The following SPINK6 variants were observed in gnomAD, a reference collection of about 807,000 sequenced individuals.
SPINK6 encodes serine protease inhibitor Kazal-type 6.
SPINK6 carries 13 observed loss-of-function variants against 11.7 expected under a neutral mutation model. The ratio of observed to expected loss-of-function variants is 1.11; its 90% confidence interval spans 0.72 to 1.76. SPINK6 has a LOEUF of 1.76. Among genes scored for constraint, SPINK6 ranks in the 40% most tolerant of loss-of-function variants. The pLI is 0.00. For missense variants in SPINK6, 98 were observed against 93.7 expected, an observed-to-expected ratio of 1.05 and a Z score of -0.19; for synonymous variants, 21 against 31.9, an observed-to-expected ratio of 0.66 and a Z score of 1.15.
At chr5:148,209,997 C>CACGTCCGTAT (rs1561732192) in intron 2 of SPINK6, among the ~76,000 whole-genome samples, 1 of 145,892 alleles carries the variant, frequency 6.9e-6, no homozygotes. Context: ...TACATATACA[C>CACGTCCGTAT]GTATGTATAC....
chr5:148,207,332 T>C (rs1195819888), intron 2 of SPINK6, among the ~76,000 whole-genome samples: 2 of 152,172 alleles, frequency 1.3e-5, no homozygotes, highest in Non-Finnish European at 2.9e-5. Flanking sequence ...TTCCCTTCTT[T>C]GAACGTTGAT....
At chr5:148,204,118 G>C (rs1755468325) in intron 1 of SPINK6, among the ~76,000 whole-genome samples, 1 of 142,260 alleles carries the variant, frequency 7.0e-6, no homozygotes, top group East Asian at 2.2e-4. Flanking sequence ...TACTATGCAA[G>C]ATTTTAAATG....
Position 148,213,987 on chromosome 5 carries a change from G to C in SPINK6, c.159G>C (p.Gln53His). ...ACCCACACTGTGGCTCTGATGGCCA[G>C]ACATATGGCAATAAATGTGCCTTCT... ...ESNPHCGSDG[Q>H]TYGNKCAFCK... Residue 53 changes from glutamine to histidine, a missense_variant, in exon 3 of 4, where the codon CAG becomes CAC. Transcript: ENST00000325630. 1 of 1,613,540 alleles carries C rather than the reference G, an allele frequency of 6.2e-7. No homozygotes were observed. Among genetic ancestry groups the C allele is most frequent in the Non-Finnish European group, 8.5e-7 (1 of 1,179,482 alleles).
chr5:148,204,576 A>G (rs2113305354), intron 1 of SPINK6, among the ~76,000 whole-genome samples: 1 of 151,292 alleles, frequency 6.6e-6, no homozygotes, highest in East Asian at 1.9e-4. Context: ...TTCATTTTAT[A>G]GCTTTGTGAA....
chr5:148,210,701 G>C (rs1240592943), intron 2 of SPINK6, among the ~76,000 whole-genome samples: 1 of 152,024 alleles, frequency 6.6e-6, no homozygotes, highest in East Asian at 1.9e-4. Context: ...CAGACGACCA[G>C]AGAACCAACA....
chr5:148,213,826 A>G, intron 2 of SPINK6, 84 bp from the exon 3 acceptor site: 1 of 702,290 alleles, frequency 1.4e-6, no homozygotes, highest in Non-Finnish European at 2.6e-6. Context: ...TATGGTTTTT[A>G]AAGTTTGCTG....
At chr5:148,209,467 TATG>T (rs1561731880) in intron 2 of SPINK6, among the ~76,000 whole-genome samples, 1 of 152,196 alleles carries the variant, frequency 6.6e-6, no homozygotes, top group Non-Finnish European at 1.5e-5. Flanking sequence ...AAGCAAATAA[TATG>T]ATAAGTATAT....
At chr5:148,210,204 GTATTTCTGCATGCA>G (rs1408778669) in intron 2 of SPINK6, among the ~76,000 whole-genome samples, 9 of 143,068 alleles carry the variant, frequency 6.3e-5, no homozygotes, top group African/African-American at 1.5e-4. Flanking sequence ...GCATGCATAT[GTATTTCTGCATGCA>G]TATGTATTTC....
chr5:148,205,876 AAG>A (rs1755490885), intron 1 of SPINK6, among the ~76,000 whole-genome samples, 158 bp from the exon 2 acceptor site: 1 of 151,340 alleles, frequency 6.6e-6, no homozygotes. Flanking sequence ...TAAAAAAAAA[AAG>A]AAGAAGAAGA....
intron 1 of SPINK6, among the ~76,000 whole-genome samples, chr5:148,205,712 G>C (rs184467844): frequency 6.6e-6 from 1 of 152,198 alleles, no homozygotes; most frequent in Admixed American, 6.5e-5. Flanking sequence ...CGATGATAAG[G>C]TCATTTTCGT....
intron 2 of SPINK6, among the ~76,000 whole-genome samples, chr5:148,213,400 C>A (rs1174260812): frequency 1.5e-5 from 2 of 135,616 alleles, no homozygotes; most frequent in African/African-American, 5.0e-5. Context: ...GGCATTTCAT[C>A]GTGTTAGCCA....
chr5:148,214,153 G>C (rs1040962922), intron 3 of SPINK6, 128 bp downstream of exon 3: 7 of 503,676 alleles, frequency 1.4e-5, no homozygotes, highest in African/African-American at 1.4e-4. Context: ...ACAAGCTTCA[G>C]GCAATTTGAT....
chr5:148,206,173 C>T (rs1006820554), intron 2 of SPINK6, 115 bp downstream of exon 2: 48 of 994,072 alleles, frequency 4.8e-5, no homozygotes, highest in Admixed American at 2.6e-4. Context: ...GCAGGCAAAC[C>T]TTATGCAGAC....
intron 2 of SPINK6, among the ~76,000 whole-genome samples, chr5:148,207,724 G>A (rs910399244): frequency 2.6e-5 from 4 of 152,128 alleles, no homozygotes; most frequent in Non-Finnish European, 5.9e-5. Context: ...AGCTACTTGG[G>A]AGGCTGAGGC....
At position 148,203,159 on chromosome 5, in the gene SPINK6, GT is replaced by G. The variant is rs755705939; in HGVS notation, c.58+11del. The G allele has an allele frequency of 3.9e-5, 62 of 1,606,854 alleles. No homozygotes were observed. The highest frequency in any genetic ancestry group is 5.1e-5 in the Non-Finnish European group (60 of 1,177,340). On this transcript the variant is annotated splice_donor_region_variant and intron_variant, in intron 1 of 3. Transcript: ENST00000325630. ...CTCTTTTCTGCTTTTTAACAGGTAA[GT>G]TTTTTCTTAAAATTAAGATCCCATA...
rs1755550635 is a variant in SPINK6, at chr5:148,209,969, T to TACAC, written c.81+3913_81+3914insACAC. The stretch of plus-strand genomic sequence containing the variant: ...GGTTTCATATATATGTATACATACA[T>TACAC]ACGTACGTATGTATGTATACATATA... On this transcript the variant is annotated intron_variant, in intron 2 of 3. Transcript: ENST00000325630. 9.5e-5 allele frequency among the ~76,000 whole-genome samples: 12 copies of TACAC among 126,686 alleles called. 3 individuals carry two copies. Among genetic ancestry groups the TACAC allele is most frequent in the Admixed American group, 1.6e-4 (2 of 12,806 alleles). The allele number at this position is 126,686 out of a possible 152,430, so 83.1% of individuals were successfully genotyped here. A position where few individuals can be genotyped will look rare whatever the true frequency, so the allele number is the denominator to read the frequency against.
At position 148,213,905 on chromosome 5, in the gene SPINK6, G is replaced by C; in HGVS notation, c.82-5G>C. 1 of 1,473,948 alleles carries C rather than the reference G, an allele frequency of 6.8e-7. No individual in the cohort carries two copies. The highest frequency in any genetic ancestry group is 9.5e-7 in the Non-Finnish European group (1 of 1,050,510). The allele number at this position is 1,473,948 out of a possible 1,614,324, so 91.3% of individuals were successfully genotyped here. ...ATGTCAATGTCACTCTGCTTACTTT[G>C]GTAGGTTGACTGTGGTGAGTTCCAG... On this transcript the variant is annotated splice_region_variant and splice_polypyrimidine_tract_variant and intron_variant, in intron 2 of 3. Coordinates refer to ENST00000325630, the MANE Select transcript of SPINK6 (RefSeq NM_205841.4).
chr5:148,214,773 C>A (rs1755659914), intron 3 of SPINK6, 132 bp from the exon 4 acceptor site: 1 of 704,530 alleles, frequency 1.4e-6, no homozygotes, highest in African/African-American at 1.8e-5. Flanking sequence ...TTAACATCTT[C>A]TGAATCATAT....
rs200149887 is a variant in SPINK6, at chr5:148,210,378, A to G, written c.82-3532A>G. On this transcript the variant is annotated intron_variant, in intron 2 of 3. Transcript: ENST00000325630. The stretch of plus-strand genomic sequence containing the variant: ...TACATATATATGTATGTGTTTCTGC[A>G]TACATATATATGTATGTGTTTCTGC... Among the ~76,000 whole-genome samples the G allele has an allele frequency of 2.8e-3, 405 of 146,130 alleles. 82 individuals carry two copies. The East Asian group carries it at 0.086, about 31-fold the overall frequency.
Sources: allele counts gnomAD v4.1 joint callset (sites outside exome capture counted in the v4.1 genomes callset), GRCh38; gene constraint gnomAD v4.1.1; transcripts MANE v1.5; gene names NCBI Gene and HGNC (gene_info 2026-07-23, HGNC 2026-07-21).